DENND1B: variants seen among roughly 807,000 people sequenced by gnomAD.
DENND1B encodes DENN domain-containing protein 1B.
In DENND1B, 59 loss-of-function variants were observed where a neutral mutation model predicts 90.1. The ratio of observed to expected loss-of-function variants is 0.65; its 90% CI spans 0.53 to 0.81. The LOEUF is 0.81. Among genes scored for constraint, DENND1B ranks in the 40% least tolerant of loss-of-function variants. DENND1B has a pLI of 0.00. For missense variants in DENND1B, 862 were observed against 912.6 expected (o/e 0.94, Z 0.71); for synonymous variants, 337 against 324.6 (o/e 1.04, Z -0.41).
intron 2 of DENND1B, chr1:197,734,848 A>G (rs1303899700): frequency 1.0e-6 from 1 of 984,844 alleles, no homozygotes; most frequent in East Asian, 1.1e-4. Context: ...ACATTTATTC[A>G]TAAGGGGGAA....
chr1:197,653,603 T>C (rs929817600), intron 6 of DENND1B, among the ~76,000 whole-genome samples: 1 of 152,106 alleles, frequency 6.6e-6, no homozygotes, highest in African/African-American at 2.4e-5. Context: ...TAATTAATGC[T>C]ATAAACTTAT....
chr1:197,617,681 G>C lies in DENND1B; in HGVS notation c.751C>G (p.Pro251Ala). Reference sequence around the variant, plus strand: ...TACCAGCAGTAGTCCAGCAGGTGTGGAGGAAGCACTGGGATGTATATGTGT... The same window carrying C: ...TACCAGCAGTAGTCCAGCAGGTGTGCAGGAAGCACTGGGATGTATATGTGT... The part of the protein sequence containing the change: ...WQHIYIPVLP[P>A]HLLDYCCAPM... Residue 251 changes from proline (P) to alanine (A), a missense_variant, in exon 11 of 23, where the codon CCA (proline) becomes GCA (alanine). By Grantham distance (27) the Pro-to-Ala change is conservative. Coordinates refer to ENST00000620048, the MANE Select transcript of DENND1B (RefSeq NM_001195215.2). 1 of 1,607,420 alleles carries C rather than the reference G, an allele frequency of 6.2e-7. No homozygotes were observed. The highest frequency in any genetic ancestry group is 8.5e-7 in the Non-Finnish European group (1 of 1,175,340).
intron 14 of DENND1B, 77 bp downstream of exon 14, chr1:197,595,131 G>C: frequency 2.0e-6 from 3 of 1,485,776 alleles, no homozygotes; most frequent in Non-Finnish European, 2.7e-6. Flanking sequence ...ATATTAAAAT[G>C]ATGTCTCTTT....
intron 5 of DENND1B, among the ~76,000 whole-genome samples, chr1:197,662,107 C>G (rs1372744189): frequency 6.6e-6 from 1 of 151,994 alleles, no homozygotes; most frequent in Non-Finnish European, 1.5e-5. Flanking sequence ...CAAACTATGA[C>G]TTCATCTATA....
intron 10 of DENND1B, among the ~76,000 whole-genome samples, chr1:197,627,080 G>A (rs1678820785): frequency 6.6e-6 from 1 of 152,116 alleles, no homozygotes; most frequent in African/African-American, 2.4e-5. Flanking sequence ...TGGATTCACA[G>A]CCGAATTCTA....
intron 5 of DENND1B, among the ~76,000 whole-genome samples, chr1:197,664,166 G>C (rs969187289): frequency 6.6e-6 from 1 of 151,822 alleles, no homozygotes; most frequent in African/African-American, 2.4e-5. Flanking sequence ...ATTTTAAACT[G>C]ATTATCAATA....
intron 7 of DENND1B, among the ~76,000 whole-genome samples, chr1:197,650,395 G>C (rs1652995814): frequency 6.6e-6 from 1 of 152,130 alleles, no homozygotes. Context: ...GGTGATCAAA[G>C]AACACTTCTA....
chr1:197,650,668 T>A (rs902812054), intron 7 of DENND1B, among the ~76,000 whole-genome samples: 1 of 152,106 alleles, frequency 6.6e-6, no homozygotes, highest in Non-Finnish European at 1.5e-5. Context: ...ATATATATGA[T>A]GGAATACTAC....
At chr1:197,657,402 T>A (rs1653953141) in intron 6 of DENND1B, among the ~76,000 whole-genome samples, 1 of 152,138 alleles carries the variant, frequency 6.6e-6, no homozygotes, top group African/African-American at 2.4e-5. Flanking sequence ...TCCCAGAGCA[T>A]TTATCCCAGG....
intron 10 of DENND1B, among the ~76,000 whole-genome samples, chr1:197,639,316 G>A (rs7513277): frequency 1.4e-4 from 21 of 151,932 alleles, no homozygotes; most frequent in African/African-American, 4.6e-4. Context: ...TGCTCACCTC[G>A]GCCTCCCAAA....
chr1:197,540,196 TAAAGAATC>T, intron 19 of DENND1B, 125 bp from the exon 20 acceptor site: 1 of 441,968 alleles, frequency 2.3e-6, no homozygotes, highest in Non-Finnish European at 3.9e-6. Flanking sequence ...GCTTTAAGTG[TAAAGAATC>T]TATTTAAGAA....
chr1:197,545,353 C>T (rs1044757162), intron 18 of DENND1B, among the ~76,000 whole-genome samples: 2 of 151,776 alleles, frequency 1.3e-5, no homozygotes, highest in African/African-American at 2.4e-5. Context: ...TACAGTGAGC[C>T]GAGATCGTGC....
At chr1:197,672,413 C>T (rs1011802675) in intron 4 of DENND1B, among the ~76,000 whole-genome samples, 7 of 151,908 alleles carry the variant, frequency 4.6e-5, no homozygotes, top group African/African-American at 1.7e-4. Context: ...GGTAGTCTAC[C>T]ATAAATGATC....
intron 9 of DENND1B, among the ~76,000 whole-genome samples, chr1:197,644,269 T>C (rs1036425261): frequency 6.6e-6 from 1 of 152,256 alleles, no homozygotes; most frequent in African/African-American, 2.4e-5. Context: ...TTCTCTTGCT[T>C]TCTTTTCCCT....
chr1:197,654,653 C>T (rs887146477), intron 6 of DENND1B, among the ~76,000 whole-genome samples: 2 of 151,332 alleles, frequency 1.3e-5, no homozygotes, highest in African/African-American at 2.4e-5. Context: ...AGGGTTCAAT[C>T]AAACCACATT....
chr1:197,572,539 G>A (rs1673265130), intron 15 of DENND1B, among the ~76,000 whole-genome samples: 1 of 152,192 alleles, frequency 6.6e-6, no homozygotes, highest in African/African-American at 2.4e-5. Context: ...AAACATCCCT[G>A]ACAGCTCTGA....
intron 2 of DENND1B, among the ~76,000 whole-genome samples, chr1:197,770,843 TATAA>T (rs1297727180): frequency 1.1e-4 from 10 of 95,228 alleles, no homozygotes; most frequent in Admixed American, 8.9e-4. Context: ...TATAAATATA[TATAA>T]ATATATATCT....
At chr1:197,645,817 GA>G in intron 8 of DENND1B, 74 bp from the exon 9 acceptor site, 8 of 1,013,938 alleles carry the variant, frequency 7.9e-6, no homozygotes, top group South Asian at 3.8e-5. Context: ...ATGAAAATCA[GA>G]AAAAAATATA....
In DENND1B at chr1:197,509,936, A is replaced by C. The variant is rs1473012268; in HGVS notation, c.*524T>G. 6.6e-6 allele frequency: 1 copy of C among 151,996 alleles called. No homozygotes were observed. Among genetic ancestry groups the C allele is most frequent in the Non-Finnish European group, 1.5e-5 (1 of 67,870 alleles). 9.4% of individuals were successfully genotyped at this position (151,996 alleles called of 1,614,324 possible). ...TGACCTTGATTTGATGAATAGAAAA[A>C]GGCATTATTGCTCTGCAGAACACTA... On this transcript the variant is annotated 3_prime_UTR_variant, in exon 23 of 23. Transcript: ENST00000620048.
Sources: allele counts gnomAD v4.1 joint callset (sites outside exome capture counted in the v4.1 genomes callset), GRCh38; gene constraint gnomAD v4.1.1; transcripts MANE v1.5; gene names NCBI Gene and HGNC (gene_info 2026-07-23, HGNC 2026-07-21).